The following TEX11 variants were observed in gnomAD, a reference collection of about 807,000 sequenced individuals.
The protein encoded by TEX11 is testis-expressed protein 11.
TEX11 carries 7 observed loss-of-function variants against 84.4 expected under a neutral mutation model. The observed-to-expected ratio is 0.08, with a 90% CI of 0.05 to 0.16. The LOEUF (loss-of-function observed/expected upper bound fraction) is 0.16, where lower values mean the gene tolerates loss of function less well. Ranked by LOEUF, TEX11 falls within the 10% of genes least tolerant of loss-of-function variation. The pLI is 1.00. For missense variants in TEX11, 551 were observed against 660.5 expected (o/e 0.83, Z 1.82); for synonymous variants, 264 against 222.8 (o/e 1.18, Z -1.64).
rs778370041 is a variant in TEX11, at chrX:70,692,741, T to C, written c.1005-9916A>G. ...TCCACTAATAGACACTTGGGTTGCC[T>C]TCCACATTTTAGTGAATATGAATAA... is the stretch of plus-strand genomic sequence containing the variant. On this transcript the variant is annotated intron_variant, in intron 13 of 29. Transcript: ENST00000374333. 7.2e-5 allele frequency among the ~76,000 whole-genome samples: 8 copies of C among 110,799 alleles called. No homozygotes were observed. In the East Asian group the frequency reaches 1.4e-3, roughly 20 times the overall value.
At chrX:70,645,030 C>G (rs1051984670) in intron 17 of TEX11, among the ~76,000 whole-genome samples, 1 of 109,568 alleles carries the variant, frequency 9.1e-6, no homozygotes, top group Non-Finnish European at 1.9e-5. Flanking sequence ...CAATTATGTA[C>G]CAAGAAATTG....
chrX:70,667,694 G>A (rs1387957037), intron 16 of TEX11, among the ~76,000 whole-genome samples: 7 of 111,692 alleles, frequency 6.3e-5, no homozygotes, highest in Admixed American at 1.9e-4. Flanking sequence ...TTGGGAGGCC[G>A]AGGCGGGCAG....
intron 9 of TEX11, among the ~76,000 whole-genome samples, chrX:70,764,122 A>G (rs2090925785): frequency 8.9e-6 from 1 of 112,136 alleles, no homozygotes; most frequent in Non-Finnish European, 1.9e-5. Flanking sequence ...AATTCAAAAT[A>G]ATACCAAGCA....
chrX:70,713,351 G>C (rs2090459582), intron 13 of TEX11, among the ~76,000 whole-genome samples: 1 of 112,001 alleles, frequency 8.9e-6, no homozygotes, highest in African/African-American at 3.2e-5. Context: ...GATTGGAATA[G>C]TTTCAGAAGG....
chrX:70,715,740 C>A (rs1300350255), intron 13 of TEX11, among the ~76,000 whole-genome samples: 3 of 111,737 alleles, frequency 2.7e-5, no homozygotes, highest in Non-Finnish European at 5.6e-5. Context: ...GTTTGAACTT[C>A]CTCCTTTAAC....
intron 25 of TEX11, among the ~76,000 whole-genome samples, chrX:70,582,762 A>ATTTATTTATTTATTTATTTATTTT (rs67328060): frequency 1.0e-5 from 1 of 96,027 alleles, no homozygotes; most frequent in African/African-American, 3.8e-5. Context: ...TTATTTATTT[A>ATTTATTTATTTATTTATTTATTTT]TGTGATGGAA....
chrX:70,882,039 A>G (rs1488147762), intron 2 of TEX11, among the ~76,000 whole-genome samples: 7 of 106,629 alleles, frequency 6.6e-5, no homozygotes, highest in Non-Finnish European at 1.3e-4. Context: ...AAAAAAAAAA[A>G]AAAAAGAAAA....
intron 4 of TEX11, among the ~76,000 whole-genome samples, chrX:70,869,702 A>G (rs1369827167): frequency 1.8e-5 from 2 of 110,699 alleles, no homozygotes; most frequent in Non-Finnish European, 3.8e-5. Context: ...ACCTGAGCCC[A>G]GGAGGCAGGG....
At position 70,908,420 on chromosome X, in the gene TEX11, A is replaced by G. The variant is rs775840549; in HGVS notation, c.-22+234T>C. On this transcript the variant is annotated intron_variant, in intron 1 of 29. Coordinates refer to ENST00000374333, the MANE Select transcript of TEX11 (RefSeq NM_031276.3). ...ACAGTAACTACTATCTCCGGTTTTC[A>G]GTGGCCCACCACCGCTCCCCATACT... 2.7e-5 allele frequency among the ~76,000 whole-genome samples: 3 copies of G among 111,693 alleles called. No homozygotes were observed. In the South Asian group the frequency reaches 1.1e-3, roughly 42 times the overall value.
chrX:70,667,396 T>C (rs1283085459), intron 16 of TEX11, among the ~76,000 whole-genome samples: 1 of 112,233 alleles, frequency 8.9e-6, no homozygotes, highest in Non-Finnish European at 1.9e-5. Context: ...GCAGTATTTG[T>C]CCATGTGGAT....
intron 25 of TEX11, among the ~76,000 whole-genome samples, chrX:70,565,587 G>C (rs1196472385): frequency 9.0e-6 from 1 of 111,064 alleles, no homozygotes; most frequent in Middle Eastern, 4.2e-3. Context: ...TGTATAAGGG[G>C]TAAGGAAGGG....
rs768672337 is a variant in TEX11 at position 70,605,532 on chromosome X, C to A, written c.1951-15G>T. The A allele has an allele frequency of 1.9e-6, 2 of 1,080,259 alleles. No homozygotes were observed. The highest frequency in any genetic ancestry group is 3.9e-5 in the South Asian group (2 of 51,661). The allele number at this position is 1,080,259 out of a possible 1,213,427, so 89.0% of individuals were successfully genotyped here. A position where few individuals can be genotyped will look rare whatever the true frequency, so the allele number is the denominator to read the frequency against. On this transcript the variant is annotated splice_polypyrimidine_tract_variant and intron_variant, in intron 23 of 29. Coordinates refer to ENST00000374333, the MANE Select transcript of TEX11 (RefSeq NM_031276.3). Reference sequence around the variant, plus strand: ...AACTGGGACATCTGATAAGAAGTAACCAGAACATCAATGAATAGTGAGAAT... The same window carrying A: ...AACTGGGACATCTGATAAGAAGTAAACAGAACATCAATGAATAGTGAGAAT...
intron 18 of TEX11, among the ~76,000 whole-genome samples, chrX:70,628,053 AC>A (rs1282561409): frequency 9.1e-6 from 1 of 109,439 alleles, no homozygotes; most frequent in Admixed American, 9.8e-5. Flanking sequence ...ACATGGTGAA[AC>A]CCCGCCTCTA....
At chrX:70,550,571 T>C (rs756670767) in intron 28 of TEX11, among the ~76,000 whole-genome samples, 1 of 111,588 alleles carries the variant, frequency 9.0e-6, no homozygotes, top group Non-Finnish European at 1.9e-5. Context: ...ATAATCGAGT[T>C]TTAAAATAAG....
chrX:70,832,950 A>T (rs1350527314), intron 8 of TEX11, among the ~76,000 whole-genome samples: 1 of 112,133 alleles, frequency 8.9e-6, no homozygotes, highest in East Asian at 2.8e-4. Context: ...TGACAATAAA[A>T]GACAAAGCAA....
At chrX:70,536,868 T>TCG (rs2087965683) in intron 28 of TEX11, among the ~76,000 whole-genome samples, 1 of 110,777 alleles carries the variant, frequency 9.0e-6, no homozygotes, top group Non-Finnish European at 1.9e-5. Flanking sequence ...TTGACTGAAT[T>TCG]TATTGCATTG....
intron 9 of TEX11, among the ~76,000 whole-genome samples, chrX:70,747,341 T>A (rs1351005894): frequency 8.9e-6 from 1 of 112,158 alleles, no homozygotes. Context: ...GGAAAAATTC[T>A]GAGCAGGAAT....
intron 25 of TEX11, among the ~76,000 whole-genome samples, chrX:70,571,613 T>C (rs921479995): frequency 1.8e-5 from 2 of 112,259 alleles, no homozygotes; most frequent in Non-Finnish European, 3.8e-5. Context: ...TATTTAGAAA[T>C]GTTTCTTTTA....
At chrX:70,798,346 C>G (rs950773632) in intron 9 of TEX11, among the ~76,000 whole-genome samples, 1 of 111,197 alleles carries the variant, frequency 9.0e-6, no homozygotes, top group Non-Finnish European at 1.9e-5. Flanking sequence ...GAAGAAAACA[C>G]AAATAAAGGG....
Sources: allele counts gnomAD v4.1 joint callset (sites outside exome capture counted in the v4.1 genomes callset), GRCh38; gene constraint gnomAD v4.1.1; transcripts MANE v1.5; gene names NCBI Gene and HGNC (gene_info 2026-07-23, HGNC 2026-07-21).